Variants in FLT4 observed in about 807,000 individuals in gnomAD.
FLT4 encodes the protein fms related receptor tyrosine kinase 4.
FLT4 carries 30 observed loss-of-function variants against 163.2 expected under a neutral mutation model. The observed-to-expected ratio is 0.18, with a 90% CI of 0.14 to 0.25. The LOEUF (loss-of-function observed/expected upper bound fraction) is 0.25, where lower values mean the gene tolerates loss of function less well. FLT4 is among the 10% of genes least tolerant of loss of function. FLT4 has a pLI of 1.00. For synonymous variants in FLT4, 884 were observed against 789.5 expected, an observed-to-expected ratio of 1.12 and a Z score of -2.01; for missense variants, 1,510 against 1,863.8, an observed-to-expected ratio of 0.81 and a Z score of 3.50.
intron 8 of FLT4, among the ~76,000 whole-genome samples, chr5:180,626,556 T>C (rs1049681488): frequency 7.2e-5 from 11 of 152,118 alleles, no homozygotes; most frequent in African/African-American, 2.6e-4. Context: ...CCACAAGTAG[T>C]GAGATGACCA....
Position 180,616,337 on chromosome 5 carries a change from C to T in FLT4, c.3219+30G>A, listed in dbSNP as rs757107065. 17 of 1,613,524 alleles carry T rather than the reference C, an allele frequency of 1.1e-5. No individual in the cohort carries two copies. The East Asian group carries it at 2.2e-4, about 21-fold the overall frequency. On this transcript the variant is annotated intron_variant, in intron 23 of 29. Transcript: ENST00000261937. The stretch of plus-strand genomic sequence containing the variant: ...CCACCCCTTCACCTGTTCCGCCCCA[C>T]GTTCCCTCTCCTCAATGGCCTGCAC...
chr5:180,622,218 A>G (rs1334014129), intron 12 of FLT4, among the ~76,000 whole-genome samples: 3 of 151,350 alleles, frequency 2.0e-5, no homozygotes, highest in African/African-American at 7.3e-5. Context: ...ACTTCTGGTC[A>G]GGCTCCTGTG....
At chr5:180,622,490 G>A (rs999265836) in intron 12 of FLT4, among the ~76,000 whole-genome samples, 1 of 152,206 alleles carries the variant, frequency 6.6e-6, no homozygotes, top group Non-Finnish European at 1.5e-5. Context: ...GAGCTGCAGT[G>A]AGCCAAGGGC....
At position 180,613,002 on chromosome 5, in the gene FLT4, G is replaced by A. The variant is rs1367049929; in HGVS notation, c.3431+9C>T. The stretch of plus-strand genomic sequence containing the variant: ...TCCCCAAAACCTGCAGGGCCATGGG[G>A]AGGCTCACATGGCGGGAGTGGCCAG... On this transcript the variant is annotated intron_variant, in intron 25 of 29. Coordinates refer to ENST00000261937, the MANE Select transcript of FLT4 (RefSeq NM_182925.5). The A allele has an allele frequency of 6.2e-7, 1 of 1,604,258 alleles. No homozygotes were observed. Among genetic ancestry groups the A allele is most frequent in the South Asian group, 1.1e-5 (1 of 90,656 alleles).
intron 12 of FLT4, 54 bp downstream of exon 12, chr5:180,622,677 C>A: frequency 8.9e-7 from 1 of 1,119,120 alleles, no homozygotes; most frequent in South Asian, 1.2e-5. Context: ...GAGCCCAAAC[C>A]TGCCCCCTCC....
At chr5:180,618,991 C>T (rs1762899249) in intron 20 of FLT4, 30 bp downstream of exon 20, 15 of 1,546,930 alleles carry the variant, frequency 9.7e-6, no homozygotes, top group Non-Finnish European at 1.3e-5. Flanking sequence ...TCCCCCGCCG[C>T]CCGCGGCGCC....
intron 26 of FLT4, 80 bp downstream of exon 26, chr5:180,612,426 G>T: frequency 9.7e-7 from 1 of 1,028,754 alleles, no homozygotes; most frequent in Non-Finnish European, 1.5e-6. Context: ...AGCCTAGATG[G>T]GCTTGGAGGG....
intron 1 of FLT4, among the ~76,000 whole-genome samples, chr5:180,649,230 G>A (rs527566058): frequency 3.9e-5 from 6 of 151,920 alleles, no homozygotes; most frequent in Non-Finnish European, 8.8e-5. Context: ...GCGGATTCAG[G>A]GGCCGGGAGA....
intron 29 of FLT4, among the ~76,000 whole-genome samples, chr5:180,603,903 T>TAAA (rs3053717): frequency 7.0e-5 from 10 of 142,840 alleles, no homozygotes; most frequent in East Asian, 2.1e-4. Context: ...GACTCCATCT[T>TAAA]AAAAAAAAAA....
intron 1 of FLT4, 141 bp from the exon 2 acceptor site, chr5:180,631,919 C>T (rs1172785849): frequency 2.5e-4 from 31 of 123,540 alleles, no homozygotes; most frequent in Non-Finnish European, 1.9e-4. Context: ...CACCGCGTGG[C>T]CTGGCCTCAC....
In FLT4 at chr5:180,619,463, C is replaced by T. The variant is rs752200004; in HGVS notation, c.2648-97G>A. On this transcript the variant is annotated intron_variant, in intron 18 of 29. Transcript: ENST00000261937. The stretch of plus-strand genomic sequence containing the variant: ...GGGAGGGGGAGGGTTACTAAGGGCC[C>T]CCAGGACATCCTGCCGGCCCCACTG... 14 of 996,990 alleles carry T rather than the reference C, an allele frequency of 1.4e-5. 1 individual carries two copies. Among genetic ancestry groups the T allele is most frequent in the Admixed American group, 1.8e-5 (1 of 54,550 alleles). 61.8% of individuals were successfully genotyped at this position (996,990 alleles called of 1,614,324 possible). A position where few individuals can be genotyped will look rare whatever the true frequency, so the allele number is the denominator to read the frequency against.
At chr5:180,609,616 G>A (rs898713869) in intron 28 of FLT4, 15 of 432,790 alleles carry the variant, frequency 3.5e-5, no homozygotes, top group Non-Finnish European at 5.2e-5. Flanking sequence ...GACCAGGCCC[G>A]GGACCCCCGA....
At chr5:180,645,134 G>A (rs557690639) in intron 1 of FLT4, among the ~76,000 whole-genome samples, 2 of 151,888 alleles carry the variant, frequency 1.3e-5, no homozygotes, top group Admixed American at 6.6e-5. Flanking sequence ...TGGGTGAGTT[G>A]GGGGGGGCCC....
intron 1 of FLT4, among the ~76,000 whole-genome samples, chr5:180,641,877 G>A (rs927197123): frequency 6.6e-6 from 1 of 152,198 alleles, no homozygotes; most frequent in Non-Finnish European, 1.5e-5. Context: ...TTGGCCCTAG[G>A]ATGACTGGGA....
At chr5:180,606,583 T>C (rs1761796527) in intron 29 of FLT4, among the ~76,000 whole-genome samples, 1 of 152,256 alleles carries the variant, frequency 6.6e-6, no homozygotes, top group South Asian at 2.1e-4. Context: ...CTCAAGGAGC[T>C]GTGCTGTTTC....
At chr5:180,616,542 T>C (rs1219374973) in intron 22 of FLT4, 53 bp from the exon 23 acceptor site, 11 of 1,604,642 alleles carry the variant, frequency 6.9e-6, no homozygotes, top group African/African-American at 4.0e-5. Context: ...CCTGGGGTAA[T>C]ACCCACACCC....
At chr5:180,626,755 C>T (rs1297335243) in intron 8 of FLT4, among the ~76,000 whole-genome samples, 1 of 152,238 alleles carries the variant, frequency 6.6e-6, no homozygotes, top group Non-Finnish European at 1.5e-5. Flanking sequence ...CCTGCGAGCA[C>T]AGTCTAGCTC....
At chr5:180,612,285 A>G (rs566653934) in intron 26 of FLT4, 11 of 593,802 alleles carry the variant, frequency 1.9e-5, no homozygotes, top group African/African-American at 1.5e-4. Context: ...CTATCCACAC[A>G]GCACCTGGAG....
At chr5:180,637,506 TTGCTA>T (rs1764779971) in intron 1 of FLT4, among the ~76,000 whole-genome samples, 1 of 152,132 alleles carries the variant, frequency 6.6e-6, no homozygotes, top group Non-Finnish European at 1.5e-5. Context: ...TCACCAGTCT[TTGCTA>T]TGCAATCATC....
Sources: gnomAD v4.1 joint callset for allele counts (sites outside exome capture counted in the v4.1 genomes callset) on GRCh38, gnomAD v4.1.1 for gene constraint, MANE v1.5 for transcripts, NCBI Gene and HGNC (gene_info 2026-07-23, HGNC 2026-07-21) for gene names.